Variants in ITFG1 observed in about 807,000 individuals in gnomAD.
The protein encoded by ITFG1 is integrin alpha FG-GAP repeat containing 1, also known as T-cell immunomodulatory protein.
Under a neutral mutation model 81.8 loss-of-function variants are expected in ITFG1, and 34 were observed. That is an observed-to-expected ratio of 0.42 (90% confidence interval 0.32 to 0.55). ITFG1 has a LOEUF of 0.55. Among genes scored for constraint, ITFG1 ranks in the 20% least tolerant of loss-of-function variants. The pLI, the probability that ITFG1 is intolerant of heterozygous loss-of-function variation, is 0.17. For missense variants in ITFG1, 672 were observed against 755.4 expected, an observed-to-expected ratio of 0.89 and a Z score of 1.29; for synonymous variants, 285 against 270.6, an observed-to-expected ratio of 1.05 and a Z score of -0.52.
At chr16:47,245,176 G>T (rs886835964) in intron 12 of ITFG1, among the ~76,000 whole-genome samples, 1 of 151,884 alleles carries the variant, frequency 6.6e-6, no homozygotes, top group Non-Finnish European at 1.5e-5. Context: ...GTGAAACCCC[G>T]TCTCTACTAA....
chr16:47,312,539 A>G (rs1281490726), intron 9 of ITFG1: 1 of 152,208 alleles, frequency 6.6e-6, no homozygotes, highest in Non-Finnish European at 1.5e-5. Context: ...CATCTTTAAT[A>G]ATTTTTCAAT....
chr16:47,194,384 GTA>G (rs1165023197), intron 14 of ITFG1, among the ~76,000 whole-genome samples: 1 of 152,188 alleles, frequency 6.6e-6, no homozygotes, highest in African/African-American at 2.4e-5. Context: ...ACCTGGCAAA[GTA>G]TCATGCACAG....
At chr16:47,242,021 G>T (rs928908743) in intron 12 of ITFG1, among the ~76,000 whole-genome samples, 11 of 151,794 alleles carry the variant, frequency 7.2e-5, no homozygotes, top group African/African-American at 2.2e-4. Flanking sequence ...CGGTGGTGAT[G>T]ACTATATTCT....
chr16:47,421,312 ATTT>A (rs1053178589), intron 6 of ITFG1, among the ~76,000 whole-genome samples: 27 of 147,466 alleles, frequency 1.8e-4, no homozygotes, highest in Non-Finnish European at 3.0e-4. Context: ...ACACATACAT[ATTT>A]TTTTTTTCTG....
chr16:47,256,267 C>T (rs1196572301), intron 12 of ITFG1, among the ~76,000 whole-genome samples: 2 of 152,082 alleles, frequency 1.3e-5, no homozygotes, highest in African/African-American at 2.4e-5. Context: ...TGTTTTCATC[C>T]TAGAAATTGT....
chr16:47,458,832 A>AAGGGATACG (rs1342276989), intron 2 of ITFG1, among the ~76,000 whole-genome samples: 1 of 152,094 alleles, frequency 6.6e-6, no homozygotes, highest in East Asian at 1.9e-4. Context: ...CACATTCAAG[A>AAGGGATACG]AGGGATACGA....
Position 47,418,375 on chromosome 16 carries a change from G to C in ITFG1, c.655+10429C>G, listed in dbSNP as rs28768157. On this transcript the variant is annotated intron_variant, in intron 6 of 17. Coordinates refer to ENST00000320640, the MANE Select transcript of ITFG1 (RefSeq NM_030790.5). The stretch of plus-strand genomic sequence containing the variant: ...TCCTTTGAGGTGCAGAAGCTTTTTA[G>C]CACAACATAGTCCCATTTATCTTTT... Among the ~76,000 whole-genome samples the C allele has an allele frequency of 4.2e-3, 637 of 152,112 alleles. 6 individuals carry two copies. The highest frequency in any genetic ancestry group is 0.015 in the African/African-American group (608 of 41,530).
In ITFG1 at chr16:47,375,898, T is replaced by A; in HGVS notation, c.698A>T (p.Gln233Leu). 6.2e-7 allele frequency: 1 copy of A among 1,605,160 alleles called. No individual in the cohort carries two copies. Among genetic ancestry groups the A allele is most frequent in the Non-Finnish European group, 8.5e-7 (1 of 1,172,256 alleles). ...TTLNATTSTF[Q>L]FEIWENLDGN... ...TACCAAATTTTCCCATATTTCAAAC[T>A]GGAAGGTACTAGTGGTGGCATTCAA... The change falls in exon 7 of 18, where the codon CAG (glutamine) becomes CTG (leucine). Residue 233 changes from glutamine to leucine, a missense_variant. Around this residue, in one of 3 missense-constraint regions of ITFG1, gnomAD observed 560 missense variants for 625.7 expected, o/e 0.90. Coordinates refer to ENST00000320640, the MANE Select transcript of ITFG1 (RefSeq NM_030790.5).
intron 13 of ITFG1, among the ~76,000 whole-genome samples, chr16:47,223,880 C>T (rs1365715728): frequency 1.3e-5 from 2 of 152,076 alleles, no homozygotes; most frequent in Non-Finnish European, 2.9e-5. Flanking sequence ...GAATACTATG[C>T]AGTCATAAAA....
At chr16:47,448,946 C>T (rs2151617755) in intron 5 of ITFG1, 1 of 152,278 alleles carries the variant, frequency 6.6e-6, no homozygotes, top group Middle Eastern at 3.4e-3. Flanking sequence ...TCCTGAACCT[C>T]ATTAGATGCA....
intron 8 of ITFG1, among the ~76,000 whole-genome samples, chr16:47,330,285 A>G (rs759391852): frequency 1.2e-4 from 19 of 152,108 alleles, no homozygotes; most frequent in Non-Finnish European, 2.5e-4. Flanking sequence ...CCATATATAA[A>G]AAAGAACTGA....
intron 10 of ITFG1, among the ~76,000 whole-genome samples, chr16:47,287,029 G>A (rs1966872226): frequency 6.6e-6 from 1 of 152,128 alleles, no homozygotes. Flanking sequence ...TTGGCTTTTT[G>A]AGGCAAGCAA....
At chr16:47,273,039 C>A (rs1966360153) in intron 10 of ITFG1, among the ~76,000 whole-genome samples, 1 of 151,386 alleles carries the variant, frequency 6.6e-6, no homozygotes, top group East Asian at 1.9e-4. Flanking sequence ...AAGCAACTGT[C>A]TTACTTCTCA....
At chr16:47,258,793 A>C in intron 11 of ITFG1, 53 bp from the exon 12 acceptor site, 1 of 736,960 alleles carries the variant, frequency 1.4e-6, no homozygotes. Flanking sequence ...CCAACTAAAA[A>C]AAAAATGACC....
At chr16:47,188,144 A>T (rs1965247236) in intron 14 of ITFG1, among the ~76,000 whole-genome samples, 1 of 149,810 alleles carries the variant, frequency 6.7e-6, no homozygotes, top group Middle Eastern at 3.4e-3. Flanking sequence ...GAGAAATAGG[A>T]ACACTTTTAC....
chr16:47,420,182 T>C (rs1053485011), intron 6 of ITFG1, among the ~76,000 whole-genome samples: 7 of 152,206 alleles, frequency 4.6e-5, no homozygotes, highest in African/African-American at 1.4e-4. Flanking sequence ...CTAGTTGTAT[T>C]CCATTGTGGC....
chr16:47,379,458 C>T (rs1304432425), intron 6 of ITFG1, among the ~76,000 whole-genome samples: 1 of 152,030 alleles, frequency 6.6e-6, no homozygotes, highest in Non-Finnish European at 1.5e-5. Context: ...GAGGCCGAGG[C>T]GGGCAGATCA....
chr16:47,252,073 A>G (rs1181708620), intron 12 of ITFG1, among the ~76,000 whole-genome samples: 1 of 152,236 alleles, frequency 6.6e-6, no homozygotes, highest in Admixed American at 6.5e-5. Flanking sequence ...CTCAGAAAAT[A>G]TATTAACCTA....
At position 47,430,949 on chromosome 16, in the gene ITFG1, A is replaced by C. The variant is rs117782117; in HGVS notation, c.561-2051T>G. ...ATTCCCATCAGTGGATAAATGGATA[A>C]ACAAAATGTCATATATCTATACAAT... On this transcript the variant is annotated intron_variant, in intron 5 of 17. Coordinates refer to ENST00000320640, the MANE Select transcript of ITFG1 (RefSeq NM_030790.5). 1.7e-4 allele frequency among the ~76,000 whole-genome samples: 26 copies of C among 152,370 alleles called. 1 individual carries two copies. The East Asian group carries it at 5.0e-3, about 29-fold the overall frequency.
Sources: gnomAD v4.1 joint callset for allele counts (sites outside exome capture counted in the v4.1 genomes callset) on GRCh38, gnomAD v4.1.1 for gene constraint, gnomAD v4.1.1 regional missense constraint, MANE v1.5 for transcripts, NCBI Gene and HGNC (gene_info 2026-07-23, HGNC 2026-07-21) for gene names.